The following PRELID2 variants were observed in gnomAD, a reference collection of about 807,000 sequenced individuals.
The protein encoded by PRELID2 is PRELI domain-containing protein 2.
PRELID2 carries 25 observed loss-of-function variants against 28.4 expected under a neutral mutation model. The observed-to-expected ratio is 0.88, with a 90% CI of 0.64 to 1.23. PRELID2 has a LOEUF of 1.23. Ranked by LOEUF, PRELID2 falls within the 50% of genes most tolerant of loss-of-function variation. The pLI is 0.00. For synonymous variants in PRELID2, 76 were observed against 71.6 expected (o/e 1.06, Z -0.31); for missense variants, 201 against 214.4 (o/e 0.94, Z 0.39).
At chr5:145,819,407 C>T in intron 3 of PRELID2, 2 of 1,597,620 alleles carry the variant, frequency 1.3e-6, no homozygotes, top group Non-Finnish European at 1.7e-6. Flanking sequence ...CACCAGAGTG[C>T]TTAAGGACTT....
intron 1 of PRELID2, among the ~76,000 whole-genome samples, chr5:145,504,972 G>C (rs1752393030): frequency 6.6e-6 from 1 of 151,940 alleles, no homozygotes. Flanking sequence ...AGTCTCTTTG[G>C]CCCTAACTGG....
the PRELID2 span, among the ~76,000 whole-genome samples, chr5:145,358,327 G>A: frequency 5.3e-5 from 8 of 151,968 alleles, no homozygotes; most frequent in Non-Finnish European, 1.0e-4. Flanking sequence ...AGAAAGCTGT[G>A]CCCCTCAGCA....
the PRELID2 span, among the ~76,000 whole-genome samples, chr5:145,364,420 T>G: frequency 6.6e-6 from 1 of 152,048 alleles, no homozygotes; most frequent in Non-Finnish European, 1.5e-5. Flanking sequence ...GTTGAATTAA[T>G]GTACCTTTAA....
intron 1 of PRELID2, among the ~76,000 whole-genome samples, chr5:145,745,818 C>T (rs1187635755): frequency 6.6e-6 from 1 of 151,760 alleles, no homozygotes. Context: ...GCCAAGATCA[C>T]ACCATTGCAC....
At chr5:145,509,097 T>C (rs1255893181) in intron 1 of PRELID2, among the ~76,000 whole-genome samples, 2 of 152,178 alleles carry the variant, frequency 1.3e-5, no homozygotes, top group African/African-American at 2.4e-5. Context: ...AGTAGGTATT[T>C]GCATCCTGGG....
chr5:145,583,927 A>G (rs1466079225), intron 1 of PRELID2, among the ~76,000 whole-genome samples: 2 of 152,058 alleles, frequency 1.3e-5, no homozygotes, highest in Non-Finnish European at 2.9e-5. Context: ...TCACGGAATT[A>G]GAAAATTCTA....
chr5:145,621,859 A>G (rs1019675243), intron 1 of PRELID2, among the ~76,000 whole-genome samples: 4 of 152,192 alleles, frequency 2.6e-5, no homozygotes, highest in African/African-American at 7.2e-5. Context: ...TTCATAACAC[A>G]AAGAAATGAT....
chr5:145,490,267 T>C (rs1436209485), intron 1 of PRELID2, among the ~76,000 whole-genome samples: 1 of 152,198 alleles, frequency 6.6e-6, no homozygotes, highest in Non-Finnish European at 1.5e-5. Flanking sequence ...GCATTTTAAG[T>C]CCCAGAAGCT....
At chr5:145,610,031 C>T (rs919153249) in intron 1 of PRELID2, among the ~76,000 whole-genome samples, 1 of 152,228 alleles carries the variant, frequency 6.6e-6, no homozygotes, top group Non-Finnish European at 1.5e-5. Context: ...AGAGGTCCTG[C>T]TGGACTGGAG....
intron 1 of PRELID2, among the ~76,000 whole-genome samples, chr5:145,537,453 C>T (rs6874192): frequency 0.27 from 40,236 of 151,688 alleles, 8,624 homozygotes; most frequent in African/African-American, 0.6. Context: ...ATGTAAGTTT[C>T]CCCTTTTATC....
At chr5:145,724,964 T>C (rs1220990958) in intron 1 of PRELID2, among the ~76,000 whole-genome samples, 1 of 151,572 alleles carries the variant, frequency 6.6e-6, no homozygotes, top group African/African-American at 2.4e-5. Flanking sequence ...GCTGGTCTCA[T>C]ACTCCTGGAC....
At chr5:145,458,516 T>A in the PRELID2 span, among the ~76,000 whole-genome samples, 1 of 152,230 alleles carries the variant, frequency 6.6e-6, no homozygotes, top group African/African-American at 2.4e-5. Context: ...TATTTGGCAA[T>A]GTCTGGAGAC....
In PRELID2 at chr5:145,640,475, C is replaced by CAA. The variant is rs56917249; in HGVS notation, n.70+124454_70+124455dup. Among the ~76,000 whole-genome samples, 183 of 54,640 alleles carry CAA rather than the reference C, an allele frequency of 3.3e-3. 3 individuals carry two copies. Among genetic ancestry groups the CAA allele is most frequent in the African/African-American group, 0.011 (156 of 14,646 alleles). The allele number at this position is 54,640 out of a possible 152,430, so 35.8% of individuals were successfully genotyped here. A position where few individuals can be genotyped will look rare whatever the true frequency, so the allele number is the denominator to read the frequency against. On this transcript the variant is annotated intron_variant and non_coding_transcript_variant, in intron 1 of 2. Coordinates refer to the PRELID2 transcript ENST00000510259. ...TGGGCGACAGAGCGAGACTCCGTCTCAAAAAAAAAAAAAAAAAAATTGGCC... is the reference window on the plus strand; with the variant it reads ...TGGGCGACAGAGCGAGACTCCGTCTCAAAAAAAAAAAAAAAAAAAAATTGGCC...
the PRELID2 span, among the ~76,000 whole-genome samples, chr5:145,456,653 C>T: frequency 2.6e-5 from 4 of 152,226 alleles, no homozygotes; most frequent in African/African-American, 7.2e-5. Context: ...CCACCTCTCC[C>T]CTAACAATAA....
At chr5:145,349,628 A>G in the PRELID2 span, among the ~76,000 whole-genome samples, 3 of 152,292 alleles carry the variant, frequency 2.0e-5, no homozygotes, top group Admixed American at 2.0e-4. Context: ...CTTCAATTAA[A>G]GAAGTAGAGA....
chr5:145,562,629 G>T (rs1260706245), intron 1 of PRELID2, among the ~76,000 whole-genome samples: 4 of 152,208 alleles, frequency 2.6e-5, no homozygotes, highest in Admixed American at 6.6e-5. Flanking sequence ...TTAAAAGATT[G>T]TCTTCATGTT....
At chr5:145,563,801 A>G (rs1752943299) in intron 1 of PRELID2, among the ~76,000 whole-genome samples, 1 of 152,218 alleles carries the variant, frequency 6.6e-6, no homozygotes, top group African/African-American at 2.4e-5. Context: ...GTGTTGGTCA[A>G]AGAGTATAAA....
In PRELID2 at chr5:145,565,670, G is replaced by A. The variant is rs909630002; in HGVS notation, n.71-92355C>T. 4.6e-5 allele frequency among the ~76,000 whole-genome samples: 7 copies of A among 152,188 alleles called. No individual in the cohort carries two copies. The South Asian group carries it at 1.2e-3, about 27-fold the overall frequency. On this transcript the variant is annotated intron_variant and non_coding_transcript_variant, in intron 1 of 2. Transcript: ENST00000510259. ...TTAAGCAAAAATAGAAATTTACTGG[G>A]TCACTTAACTGAAAACTCCAGTAGT...
chr5:145,764,943 A>C lies in PRELID2; in HGVS notation c.532T>G (p.Ter178GluextTer38). 1.9e-6 allele frequency: 3 copies of C among 1,611,656 alleles called. No homozygotes were observed. Among genetic ancestry groups the C allele is most frequent in the Non-Finnish European group, 2.5e-6 (3 of 1,178,060 alleles). The change falls in exon 6 of 7, where the codon TAA (stop) becomes GAA (glutamate). Residue 178 changes from the stop codon to glutamate (E), a stop_lost. Transcript: ENST00000683046. ...KEQCGAPLAE[*>E] ...TTTTGGTACTCACTGATGATTCTTT[A>C]TTCAGCTAAGGGGGCACCACACTGT...
Sources: gnomAD v4.1 joint callset for allele counts (sites outside exome capture counted in the v4.1 genomes callset) on GRCh38, gnomAD v4.1.1 for gene constraint, MANE v1.5 for transcripts, NCBI Gene and HGNC (gene_info 2026-07-23, HGNC 2026-07-21) for gene names.